The following GFOD1 variants were observed in gnomAD, a reference collection of about 807,000 sequenced individuals.
GFOD1 encodes glucose-fructose oxidoreductase domain-containing protein 1.
In GFOD1, 9 loss-of-function variants were observed where a neutral mutation model predicts 25.4. The ratio of observed to expected loss-of-function variants is 0.35; its 90% CI spans 0.21 to 0.62. The LOEUF is 0.62. GFOD1 is among the 20% of genes least tolerant of loss of function. The probability of loss-of-function intolerance (pLI) is 0.72; values close to 1 mark genes in which losing one functional copy is unlikely to be tolerated. For synonymous variants in GFOD1, 253 were observed against 245.6 expected (o/e 1.03, Z -0.28); for missense variants, 403 against 556.9 (o/e 0.72, Z 2.78).
chr6:13,390,284 G>A (rs1785561368), intron 1 of GFOD1, among the ~76,000 whole-genome samples: 1 of 152,102 alleles, frequency 6.6e-6, no homozygotes, highest in Non-Finnish European at 1.5e-5. Context: ...TTTTGTTGTT[G>A]TTGTTGTTGT....
chr6:13,369,496 G>T (rs1785107606), intron 1 of GFOD1, among the ~76,000 whole-genome samples: 1 of 152,018 alleles, frequency 6.6e-6, no homozygotes, highest in Non-Finnish European at 1.5e-5. Context: ...AACATAGCAA[G>T]ATCCCATTTC....
chr6:13,411,207 C>T (rs1239663610), intron 1 of GFOD1, among the ~76,000 whole-genome samples: 1 of 152,220 alleles, frequency 6.6e-6, no homozygotes, highest in Non-Finnish European at 1.5e-5. Context: ...CAGAGGGCTC[C>T]AAACCCTGAC....
chr6:13,464,927 T>C (rs1758353878), intron 1 of GFOD1, among the ~76,000 whole-genome samples: 1 of 151,644 alleles, frequency 6.6e-6, no homozygotes, highest in South Asian at 2.1e-4. Context: ...GTTCTGTTTC[T>C]CTGAAGAAAC....
intron 1 of GFOD1, among the ~76,000 whole-genome samples, chr6:13,464,396 A>G (rs1447856625): frequency 6.6e-6 from 1 of 152,226 alleles, no homozygotes; most frequent in Admixed American, 6.5e-5. Flanking sequence ...CCACAGAACG[A>G]AGACTTGTTA....
rs927124474 is a variant in GFOD1, at chr6:13,430,692, G to C, written c.253+55946C>G. Among the ~76,000 whole-genome samples the C allele has an allele frequency of 1.3e-5, 2 of 152,050 alleles. No individual in the cohort carries two copies. The highest frequency in any genetic ancestry group is 2.9e-5 in the Non-Finnish European group (2 of 67,994). On this transcript the variant is annotated intron_variant, in intron 1 of 1. Transcript: ENST00000379287. This position sits in a 1 kb window ranked among gnomAD's most constrained non-coding sequence, Gnocchi z 4.1. ...GCAGGAGTAGTGGGACAGCGGGTAG[G>C]GAAAAGTATCCTTGTGGCCTCCAGC...
chr6:13,371,845 C>A (rs757551936), intron 1 of GFOD1, among the ~76,000 whole-genome samples: 1 of 152,136 alleles, frequency 6.6e-6, no homozygotes, highest in African/African-American at 2.4e-5. Flanking sequence ...AGCTCGCCCC[C>A]CTGAGGGCTC....
Position 13,365,511 on chromosome 6 carries a change from G to T in GFOD1, c.405C>A (p.Ile135=). ...LPAFVRMKQL[I]EEGYVGEPLV... is the part of the protein sequence containing the mutation. Reference sequence around the variant, plus strand: ...GCGGCTCGCCCACGTAGCCCTCCTCGATCAGCTGCTTCATGCGCACGAAAG... The same window carrying T: ...GCGGCTCGCCCACGTAGCCCTCCTCTATCAGCTGCTTCATGCGCACGAAAG... The change falls in exon 2 of 2, where the codon ATC becomes ATA. Residue 135 remains isoleucine (I), a synonymous_variant. Coordinates refer to ENST00000379287, the MANE Select transcript of GFOD1 (RefSeq NM_018988.4). This position sits in a 1 kb window ranked among gnomAD's most constrained non-coding sequence, Gnocchi z 9.2. The T allele has an allele frequency of 1.2e-6, 2 of 1,612,958 alleles. No individual in the cohort carries two copies. Among genetic ancestry groups the T allele is most frequent in the African/African-American group, 1.3e-5 (1 of 75,044 alleles).
intron 1 of GFOD1, among the ~76,000 whole-genome samples, chr6:13,460,876 T>C (rs978222293): frequency 6.6e-6 from 1 of 152,166 alleles, no homozygotes; most frequent in Non-Finnish European, 1.5e-5. Context: ...CAGGAGTAAG[T>C]CTACTCTCTT....
At chr6:13,486,250 C>CT in intron 1 of GFOD1, 1 of 310,510 alleles carries the variant, frequency 3.2e-6, no homozygotes, top group African/African-American at 2.8e-5. Context: ...CCCCCCATCC[C>CT]CCCCCCCCAC....
chr6:13,385,396 A>G (rs571160882), intron 1 of GFOD1, among the ~76,000 whole-genome samples: 2 of 152,344 alleles, frequency 1.3e-5, no homozygotes, highest in South Asian at 4.1e-4. Flanking sequence ...CTGTCATTCA[A>G]CACTGGTAAA....
rs980624724 is a variant in GFOD1 at position 13,359,841 on chromosome 6, G to C, written c.*4902C>G. 6.6e-5 allele frequency: 10 copies of C among 152,048 alleles called. No homozygotes were observed. Among genetic ancestry groups the C allele is most frequent in the African/African-American group, 2.2e-4 (9 of 41,244 alleles). 9.4% of individuals were successfully genotyped at this position (152,048 alleles called of 1,614,324 possible). ...GTGCGTCTGTAATCCCAGCTACTCA[G>C]GAGGCTGAGGCAGGAGAATCGCTTG... On this transcript the variant is annotated 3_prime_UTR_variant, in exon 2 of 2. Coordinates refer to ENST00000379287, the MANE Select transcript of GFOD1 (RefSeq NM_018988.4).
At chr6:13,431,230 G>T (rs992224872) in intron 1 of GFOD1, among the ~76,000 whole-genome samples, 1 of 152,188 alleles carries the variant, frequency 6.6e-6, no homozygotes, top group Admixed American at 6.5e-5. Flanking sequence ...TGTACCACAC[G>T]GTTATGGTGT....
chr6:13,486,836 G>A lies in GFOD1; in HGVS notation c.55C>T (p.Pro19Ser). The change falls in exon 1 of 2, where the codon CCG (proline) becomes TCG (serine). Residue 19 changes from proline (P) to serine (S), a missense_variant. Pro to Ser is a moderately conservative substitution (Grantham distance 74, BLOSUM62 -1). Transcript: ENST00000379287. ...GCGAAGCCCTCGTCTTTCAGCAGCG[G>A]GATGATGACACGGGCCGTGAGGCTG... ...GTSLTARVIIPLLKDEGFAVK... is the reference protein window; with the variant it reads ...GTSLTARVIISLLKDEGFAVK... The A allele has an allele frequency of 6.2e-7, 1 of 1,613,602 alleles. No individual in the cohort carries two copies. Among genetic ancestry groups the A allele is most frequent in the Non-Finnish European group, 8.5e-7 (1 of 1,179,992 alleles).
intron 1 of GFOD1, among the ~76,000 whole-genome samples, chr6:13,473,906 G>A (rs764280061): frequency 6.6e-6 from 1 of 152,098 alleles, no homozygotes; most frequent in Non-Finnish European, 1.5e-5. Context: ...CGGGACGAGT[G>A]GGGCCCCACT....
chr6:13,460,061 G>A (rs1399103771), intron 1 of GFOD1, among the ~76,000 whole-genome samples: 7 of 152,240 alleles, frequency 4.6e-5, no homozygotes, highest in African/African-American at 1.7e-4. Flanking sequence ...TTGAACTCAG[G>A]AGGCGGAGGT....
chr6:13,395,796 G>C (rs1785717599), intron 1 of GFOD1, among the ~76,000 whole-genome samples: 1 of 152,194 alleles, frequency 6.6e-6, no homozygotes, highest in Non-Finnish European at 1.5e-5. Flanking sequence ...ACTCCACCGT[G>C]CACCAGTTAG....
intron 1 of GFOD1, among the ~76,000 whole-genome samples, chr6:13,458,242 C>G (rs967372348): frequency 6.6e-6 from 1 of 151,962 alleles, no homozygotes; most frequent in African/African-American, 2.4e-5. Context: ...CCCAGCCTCC[C>G]GAGTAGCTGG....
At chr6:13,388,694 C>CA (rs1236028735) in intron 1 of GFOD1, among the ~76,000 whole-genome samples, 1 of 152,132 alleles carries the variant, frequency 6.6e-6, no homozygotes, top group East Asian at 1.9e-4. Flanking sequence ...ATTCAGGACA[C>CA]AGACATGGGC....
At chr6:13,449,925 C>T (rs780685721) in intron 1 of GFOD1, among the ~76,000 whole-genome samples, 4 of 152,266 alleles carry the variant, frequency 2.6e-5, no homozygotes, top group Non-Finnish European at 5.9e-5. Flanking sequence ...ATATTTCCTC[C>T]AGCAGTAAAT....
Sources: allele counts gnomAD v4.1 joint callset (sites outside exome capture counted in the v4.1 genomes callset), GRCh38; gene constraint gnomAD v4.1.1; non-coding constraint Gnocchi (gnomAD v3.1); transcripts MANE v1.5; gene names NCBI Gene and HGNC (gene_info 2026-07-23, HGNC 2026-07-21).